Variants in SCMH1 observed in about 807,000 individuals in gnomAD.
SCMH1 encodes the protein polycomb protein SCMH1.
In SCMH1, 37 loss-of-function variants were observed where a neutral mutation model predicts 70.8. The ratio of observed to expected loss-of-function variants is 0.52; its 90% confidence interval spans 0.40 to 0.69. SCMH1 has a LOEUF of 0.69. SCMH1 is among the 30% of genes least tolerant of loss of function. The probability of loss-of-function intolerance (pLI) is 0.00; values close to 1 mark genes in which losing one functional copy is unlikely to be tolerated. For synonymous variants in SCMH1, 292 were observed against 307.4 expected (o/e 0.95, Z 0.52); for missense variants, 607 against 827.3 (o/e 0.73, Z 3.27).
At chr1:41,031,313 C>A (rs1644482987) in intron 13 of SCMH1, among the ~76,000 whole-genome samples, 1 of 151,706 alleles carries the variant, frequency 6.6e-6, no homozygotes, top group African/African-American at 2.4e-5. Context: ...AAACAAACAA[C>A]CACCCCCCTC....
chr1:41,152,810 A>C lies in SCMH1; in HGVS notation c.107-1126T>G, dbSNP rs910849172. On this transcript the variant is annotated intron_variant, in intron 4 of 14. Transcript: ENST00000337495. ...TCCAAAGATGATGCCAAGACTTTAC[A>C]CTCTATTTATTTTATAGCTTCTGTT... The C allele has an allele frequency of 2.1e-6, 3 of 1,397,538 alleles. No individual in the cohort carries two copies. In the African/African-American group the frequency reaches 4.4e-5, roughly 20 times the overall value. 86.6% of individuals were successfully genotyped at this position (1,397,538 alleles called of 1,614,324 possible). A position where few individuals can be genotyped will look rare whatever the true frequency, so the allele number is the denominator to read the frequency against.
intron 2 of SCMH1, among the ~76,000 whole-genome samples, chr1:41,176,919 G>C (rs1161282162): frequency 6.6e-6 from 1 of 152,212 alleles, no homozygotes; most frequent in African/African-American, 2.4e-5. Flanking sequence ...CCAGCTCACA[G>C]ATGGAAATCT....
intron 1 of SCMH1, among the ~76,000 whole-genome samples, chr1:41,218,149 C>T (rs1658493075): frequency 6.6e-6 from 1 of 152,034 alleles, no homozygotes; most frequent in African/African-American, 2.4e-5. Flanking sequence ...AGAGTTGATG[C>T]TGGAAGGAGT....
At position 41,206,752 on chromosome 1, in the gene SCMH1, A is replaced by G. The variant is rs116621409; in HGVS notation, c.-117-20502T>C. On this transcript the variant is annotated intron_variant, in intron 1 of 14. Transcript: ENST00000337495. ...AGACACATAATTGTCAAATTTACCA[A>G]GGGTGAAATCAAGGAAAAAATGTTA... Among the ~76,000 whole-genome samples, 1,106 of 152,306 alleles carry G rather than the reference A, an allele frequency of 7.3e-3. 17 individuals are homozygous for G. Among genetic ancestry groups the G allele is most frequent in the African/African-American group, 0.025 (1,047 of 41,568 alleles).
At chr1:41,094,156 G>T (rs929139436) in intron 8 of SCMH1, among the ~76,000 whole-genome samples, 7 of 152,152 alleles carry the variant, frequency 4.6e-5, no homozygotes, top group African/African-American at 1.7e-4. Flanking sequence ...CTACTCAAAG[G>T]CTGGGATTTA....
At chr1:41,032,063 C>T (rs980047306) in intron 13 of SCMH1, among the ~76,000 whole-genome samples, 14 of 152,140 alleles carry the variant, frequency 9.2e-5, no homozygotes, top group Admixed American at 3.9e-4. Context: ...GAGAAGATGG[C>T]TGTCTATGAA....
chr1:41,068,465 G>C (rs981940895), intron 10 of SCMH1, among the ~76,000 whole-genome samples: 1 of 152,172 alleles, frequency 6.6e-6, no homozygotes, highest in South Asian at 2.1e-4. Context: ...GAGTGCACTG[G>C]TACGATCTTG....
intron 1 of SCMH1, among the ~76,000 whole-genome samples, chr1:41,203,133 A>C (rs895810333): frequency 2.0e-5 from 3 of 152,082 alleles, no homozygotes. Context: ...AAAATACATT[A>C]TTTGTATAGT....
At chr1:41,241,398 T>G (rs897613703) in intron 1 of SCMH1, among the ~76,000 whole-genome samples, 1 of 152,134 alleles carries the variant, frequency 6.6e-6, no homozygotes, top group African/African-American at 2.4e-5. Flanking sequence ...CCTGCCCGTT[T>G]CCGGCGGGGC....
Position 41,242,048 on chromosome 1 carries a change from G to T in SCMH1, c.-118+11C>A, listed in dbSNP as rs1193643498. On this transcript the variant is annotated intron_variant, in intron 1 of 14. Coordinates refer to ENST00000337495, the Ensembl canonical transcript of SCMH1. The surrounding 1 kb of genome is among the most constrained non-coding windows in gnomAD (Gnocchi z 5.2). ...CTCTTAGGCGGGCGGAGGCGGCCGC[G>T]AGGCGCTTACCTGAGGGCGCGGCGG... 1 of 152,296 alleles carries T rather than the reference G, an allele frequency of 6.6e-6. No individual in the cohort carries two copies. The highest frequency in any genetic ancestry group is 2.4e-5 in the African/African-American group (1 of 41,312). The allele number at this position is 152,296 out of a possible 1,614,324, so 9.4% of individuals were successfully genotyped here.
At chr1:41,075,306 G>A (rs199947201) in exon 9 of SCMH1, 146 of 1,614,114 alleles carry the variant, frequency 9.0e-5, no homozygotes, top group South Asian at 7.8e-4. Flanking sequence ...GGGAAATTAG[G>A]GTCTTGGGTG....
At chr1:41,147,694 T>C (rs886069299) in intron 5 of SCMH1, among the ~76,000 whole-genome samples, 3 of 152,134 alleles carry the variant, frequency 2.0e-5, no homozygotes, top group Non-Finnish European at 4.4e-5. Flanking sequence ...AATAGTTCTA[T>C]TGGTTTTTGC....
intron 8 of SCMH1, among the ~76,000 whole-genome samples, chr1:41,092,601 G>T (rs1459116199): frequency 1.3e-5 from 2 of 152,146 alleles, no homozygotes; most frequent in East Asian, 1.9e-4. Flanking sequence ...CAAAATGGGA[G>T]AAAATTTTTG....
intron 1 of SCMH1, among the ~76,000 whole-genome samples, chr1:41,203,135 T>C (rs1654749529): frequency 6.6e-6 from 1 of 152,080 alleles, no homozygotes; most frequent in Non-Finnish European, 1.5e-5. Context: ...AATACATTAT[T>C]TGTATAGTGT....
chr1:41,062,918 C>CAA (rs61144004), intron 10 of SCMH1, among the ~76,000 whole-genome samples: 4,717 of 109,498 alleles, frequency 0.043, 388 homozygotes, highest in African/African-American at 0.15. Context: ...GACTCCATCT[C>CAA]AAAAAAAAAA....
intron 10 of SCMH1, among the ~76,000 whole-genome samples, chr1:41,050,908 C>T (rs556624590): frequency 1.2e-4 from 18 of 152,202 alleles, no homozygotes; most frequent in African/African-American, 2.9e-4. Context: ...ACAGGATTTT[C>T]ACATCTAGTA....
intron 2 of SCMH1, among the ~76,000 whole-genome samples, chr1:41,165,404 G>C (rs1054692707): frequency 6.6e-6 from 1 of 152,118 alleles, no homozygotes; most frequent in Non-Finnish European, 1.5e-5. Flanking sequence ...GATATAGCCA[G>C]TAGTGGGATT....
chr1:41,182,746 A>T (rs1419412333), intron 2 of SCMH1, among the ~76,000 whole-genome samples: 1 of 152,070 alleles, frequency 6.6e-6, no homozygotes, highest in East Asian at 1.9e-4. Flanking sequence ...AAAAACAATG[A>T]AAAAGGAACT....
intron 10 of SCMH1, among the ~76,000 whole-genome samples, chr1:41,056,674 T>A (rs934655979): frequency 4.6e-5 from 7 of 152,228 alleles, no homozygotes; most frequent in Non-Finnish European, 1.0e-4. Context: ...GACAGGTGAA[T>A]AAGCCGAAGT....
Sources: gnomAD v4.1 joint callset for allele counts (sites outside exome capture counted in the v4.1 genomes callset) on GRCh38, gnomAD v4.1.1 for gene constraint, Gnocchi (gnomAD v3.1) non-coding constraint, MANE v1.5 for transcripts, NCBI Gene and HGNC (gene_info 2026-07-23, HGNC 2026-07-21) for gene names.